The following HCFC1 variants were observed in gnomAD, a reference collection of about 807,000 sequenced individuals.
The protein encoded by HCFC1 is host cell factor C1.
A neutral mutation model predicts 105.5 loss-of-function variants in HCFC1; 7 were observed. The ratio of observed to expected loss-of-function variants is 0.07; its 90% CI spans 0.04 to 0.12. The LOEUF (loss-of-function observed/expected upper bound fraction) is 0.12, where lower values mean the gene tolerates loss of function less well. Among genes scored for constraint, HCFC1 ranks in the 10% least tolerant of loss-of-function variants. HCFC1 has a pLI of 1.00. For missense variants in HCFC1, 1,065 were observed against 1,823.6 expected, an observed-to-expected ratio of 0.58 and a Z score of 7.58; for synonymous variants, 918 against 828.1, an observed-to-expected ratio of 1.11 and a Z score of -1.86.
chrX:153,966,673 G>A (rs1479485441), intron 1 of HCFC1, among the ~76,000 whole-genome samples: 1 of 112,622 alleles, frequency 8.9e-6, no homozygotes, highest in East Asian at 2.8e-4. Context: ...GAGCCCAGGA[G>A]GGCAAGCGAC....
At chrX:153,957,953 T>A (rs1369527364) in intron 11 of HCFC1, 67 bp from the exon 12 acceptor site, 5 of 1,152,513 alleles carry the variant, frequency 4.3e-6, no homozygotes, top group Non-Finnish European at 4.7e-6. Flanking sequence ...TGGCTGAGAC[T>A]CTCCTGGAGC....
chrX:153,953,700 G>A lies in HCFC1; in HGVS notation c.4404C>T (p.Ser1468=), dbSNP rs782664210. 5.0e-6 allele frequency: 6 copies of A among 1,209,063 alleles called. No individual in the cohort carries two copies. The East Asian group carries it at 1.8e-4, about 36-fold the overall frequency. ...ACACGGTTGTCGTGATGGCACTGGA[G>A]CTGGTGATGTTCACGCTGTCGCCCT... ...STQGDSVNIT[S]SSAITTTVSS... Residue 1468 remains serine, a synonymous_variant, in exon 18 of 26, where the codon AGC becomes AGT. Transcript: ENST00000310441.
At chrX:153,960,677 C>T (rs1557116606) in intron 6 of HCFC1, among the ~76,000 whole-genome samples, 1 of 112,777 alleles carries the variant, frequency 8.9e-6, no homozygotes, top group Non-Finnish European at 1.9e-5. Flanking sequence ...AAGAACACTA[C>T]AACTCACAGA....
At chrX:153,968,549 G>A (rs1160848382) in intron 1 of HCFC1, among the ~76,000 whole-genome samples, 1 of 112,532 alleles carries the variant, frequency 8.9e-6, no homozygotes, top group Non-Finnish European at 1.9e-5. Context: ...CTGCTACCCT[G>A]GAGGATCCCA....
At chrX:153,956,106 G>C (rs1557114841) in intron 16 of HCFC1, 85 bp downstream of exon 16, 11 of 896,205 alleles carry the variant, frequency 1.2e-5, no homozygotes, top group Non-Finnish European at 1.6e-5. Context: ...AGGAAGGAAA[G>C]GCCTGTGGAC....
At chrX:153,953,499 A>G in intron 18 of HCFC1, 108 bp downstream of exon 18, 2 of 818,758 alleles carry the variant, frequency 2.4e-6, no homozygotes, top group South Asian at 2.4e-5. Context: ...AAAAGGGACC[A>G]GGAGCGGCCC....
At chrX:153,953,484 T>C in intron 18 of HCFC1, 123 bp downstream of exon 18, 1 of 704,671 alleles carries the variant, frequency 1.4e-6, no homozygotes, top group Non-Finnish European at 2.1e-6. Flanking sequence ...CCTTTTATGG[T>C]CCGGAAAAGG....
chrX:153,971,731 G>A lies in HCFC1; in HGVS notation c.-891C>T, dbSNP rs1345870713. 3.4e-6 allele frequency: 1 copy of A among 297,146 alleles called. No homozygotes were observed. Among genetic ancestry groups the A allele is most frequent in the Non-Finnish European group, 5.9e-6 (1 of 170,224 alleles). 24.5% of individuals were successfully genotyped at this position (297,146 alleles called of 1,213,427 possible). A position where few individuals can be genotyped will look rare whatever the true frequency, so the allele number is the denominator to read the frequency against. On this transcript the variant is annotated 5_prime_UTR_variant, in exon 1 of 26. Coordinates refer to ENST00000310441, the MANE Select transcript of HCFC1 (RefSeq NM_005334.3). The stretch of plus-strand genomic sequence containing the variant: ...ACAGGAGCCGCTTCAAAGAGCTAGA[G>A]TTAGGCCCCGAAGCGGCAACTGTAC...
Position 153,956,683 on chromosome X carries a change from G to A in HCFC1, c.2577C>T (p.Pro859=), listed in dbSNP as rs369257857. 68 of 1,210,099 alleles carry A rather than the reference G, an allele frequency of 5.6e-5. No individual in the cohort carries two copies. Among genetic ancestry groups the A allele is most frequent in the Non-Finnish European group, 6.9e-5 (62 of 895,189 alleles). Residue 859 remains proline (P), a synonymous_variant, in exon 15 of 26, where the codon CCC becomes CCT. Coordinates refer to ENST00000310441, the MANE Select transcript of HCFC1 (RefSeq NM_005334.3). ...VPMGGVRLVT[P]VTVSAVKPAV... ...CTGGCTTGACGGCGGAGACGGTGAC[G>A]GGTGTGACCAGGCGAACACCCCCCA...
Position 153,970,846 on chromosome X carries a change from C to T in HCFC1, c.-6G>A, listed in dbSNP as rs1240969730. 8.7e-7 allele frequency: 1 copy of T among 1,145,941 alleles called. No homozygotes were observed. The highest frequency in any genetic ancestry group is 1.9e-5 in the African/African-American group (1 of 54,017). The allele number at this position is 1,145,941 out of a possible 1,213,427, so 94.4% of individuals were successfully genotyped here. A position where few individuals can be genotyped will look rare whatever the true frequency, so the allele number is the denominator to read the frequency against. Reference sequence around the variant, plus strand: ...GGCGACACGGCCGAAGCCATAGTTCCGGGAAAGGGTGCGGTGGGGAGAAGT... The same window carrying T: ...GGCGACACGGCCGAAGCCATAGTTCTGGGAAAGGGTGCGGTGGGGAGAAGT... On this transcript the variant is annotated 5_prime_UTR_variant, in exon 1 of 26. Coordinates refer to ENST00000310441, the MANE Select transcript of HCFC1 (RefSeq NM_005334.3).
At position 153,952,760 on chromosome X, in the gene HCFC1, C is replaced by A. The variant is rs368279501; in HGVS notation, c.4696G>T (p.Val1566Leu). Residue 1566 changes from valine to leucine, a missense_variant, in exon 19 of 26, where the codon GTG becomes TTG. Val to Leu is a conservative substitution (Grantham distance 32). Transcript: ENST00000310441. The stretch of plus-strand genomic sequence containing the variant: ...GGCTGGACCACCACAGTGGCCACCA[C>A]CGCAGAGCCGGCAGACTCCTGGCCC... ...SSGQESAGSA[V>L]VATVVVQPPP... 2.5e-6 allele frequency: 3 copies of A among 1,208,996 alleles called. No homozygotes were observed. The highest frequency in any genetic ancestry group is 1.1e-6 in the Non-Finnish European group (1 of 893,954).
At chrX:153,968,326 G>A (rs1305224124) in intron 1 of HCFC1, among the ~76,000 whole-genome samples, 1 of 112,360 alleles carries the variant, frequency 8.9e-6, no homozygotes, top group Non-Finnish European at 1.9e-5. Context: ...TCTCTCCAAA[G>A]GTACAAGGCT....
Position 153,951,507 on chromosome X carries a change from C to T in HCFC1, c.5380-20G>A, listed in dbSNP as rs781862156. The T allele has an allele frequency of 1.9e-5, 23 of 1,209,089 alleles. No individual in the cohort carries two copies. The highest frequency in any genetic ancestry group is 1.2e-4 in the South Asian group (7 of 56,814). Reference sequence around the variant, plus strand: ...TGGCTTCTGCAAGACAGAATCGGTGCGACGAGATCAGGCCCTCAGCACCTA... The same window carrying T: ...TGGCTTCTGCAAGACAGAATCGGTGTGACGAGATCAGGCCCTCAGCACCTA... On this transcript the variant is annotated intron_variant, in intron 21 of 25. Coordinates refer to ENST00000310441, the MANE Select transcript of HCFC1 (RefSeq NM_005334.3).
In HCFC1 at chrX:153,952,192, G is replaced by A. The variant is rs1312401817; in HGVS notation, c.4943-34C>T. On this transcript the variant is annotated intron_variant, in intron 19 of 25. Transcript: ENST00000310441. ...GGGTCGAGAGAAACACTACTTACTA[G>A]GAAGGCTGGCCAGAAGCGGGCAGCC... is the stretch of plus-strand genomic sequence containing the variant. The A allele has an allele frequency of 7.4e-6, 8 of 1,085,296 alleles. No homozygotes were observed. In the African/African-American group the frequency reaches 1.3e-4, roughly 18 times the overall value. The allele number at this position is 1,085,296 out of a possible 1,213,427, so 89.4% of individuals were successfully genotyped here. A position where few individuals can be genotyped will look rare whatever the true frequency, so the allele number is the denominator to read the frequency against.
At chrX:153,963,150 G>T in intron 4 of HCFC1, 75 bp downstream of exon 4, 1 of 778,968 alleles carries the variant, frequency 1.3e-6, no homozygotes. Context: ...CCATACAACA[G>T]CGCCACCCAC....
intron 10 of HCFC1, 60 bp downstream of exon 10, chrX:153,958,509 A>T: frequency 9.5e-7 from 1 of 1,054,520 alleles, no homozygotes; most frequent in South Asian, 2.1e-5. Context: ...CTAACTCTAA[A>T]GCCCGGAGGG....
In HCFC1 at chrX:153,955,496, C is replaced by T; in HGVS notation, c.2903G>A (p.Gly968Glu). 8.5e-7 allele frequency: 1 copy of T among 1,180,018 alleles called. No homozygotes were observed. Among genetic ancestry groups the T allele is most frequent in the Non-Finnish European group, 1.1e-6 (1 of 877,894 alleles). The change falls in exon 17 of 26, where the codon GGG (glycine) becomes GAG (glutamate). Residue 968 changes from glycine to glutamate, a missense_variant. By Grantham distance (98) the Gly-to-Glu change is moderately conservative. Around this residue, in one of 17 missense-constraint regions of HCFC1, gnomAD observed 546 missense variants for 599.9 expected, o/e 0.91. Coordinates refer to ENST00000310441, the MANE Select transcript of HCFC1 (RefSeq NM_005334.3). ...GTCATGCACAGGCTGGGCCTCCACC[C>T]CACTAGGTGCCGTGATCAGAGTTAC... ...TQVTLITAPSGVEAQPVHDLP... is the reference protein window; with the variant it reads ...TQVTLITAPSEVEAQPVHDLP...
Position 153,957,437 on chromosome X carries a change from C to T in HCFC1, c.2230G>A (p.Ala744Thr), listed in dbSNP as rs1557115425. ...CCCAGGATGGTGGGCTTGGTCCCCG[C>T]CCCACTGGCCTGCGTGGTAGTGATG... ...TIITTTQASGAGTKPTILGIS... is the reference protein window; with the variant it reads ...TIITTTQASGTGTKPTILGIS... The change falls in exon 13 of 26, where the codon GCG becomes ACG. Residue 744 changes from alanine to threonine, a missense_variant. By Grantham distance (58) the Ala-to-Thr change is moderately conservative. Coordinates refer to ENST00000310441, the MANE Select transcript of HCFC1 (RefSeq NM_005334.3). 2 of 1,210,234 alleles carry T rather than the reference C, an allele frequency of 1.7e-6. No individual in the cohort carries two copies. Among genetic ancestry groups the T allele is most frequent in the East Asian group, 3.0e-5 (1 of 33,800 alleles).
chrX:153,964,521 C>A, intron 2 of HCFC1, 57 bp downstream of exon 2: 1 of 1,131,808 alleles, frequency 8.8e-7, no homozygotes, highest in East Asian at 3.1e-5. Flanking sequence ...CCTGAAGCCA[C>A]TACCGTCAGG....
Sources: gnomAD v4.1 joint callset for allele counts (sites outside exome capture counted in the v4.1 genomes callset) on GRCh38, gnomAD v4.1.1 for gene constraint, gnomAD v4.1.1 regional missense constraint, MANE v1.5 for transcripts, NCBI Gene and HGNC (gene_info 2026-07-23, HGNC 2026-07-21) for gene names.